The following ARAP3 variants were observed in gnomAD, a reference collection of about 807,000 sequenced individuals.
ARAP3 encodes arf-GAP with Rho-GAP domain, ANK repeat and PH domain-containing protein 3.
In ARAP3, 82 loss-of-function variants were observed where a neutral mutation model predicts 169.2. That is an observed-to-expected ratio of 0.48 (90% confidence interval 0.41 to 0.58). The LOEUF (loss-of-function observed/expected upper bound fraction) is 0.58. Ranked by LOEUF, ARAP3 falls within the 20% of genes least tolerant of loss-of-function variation. The pLI is 0.00. For synonymous variants in ARAP3, 791 were observed against 800.3 expected (o/e 0.99, Z 0.20); for missense variants, 1,764 against 2,018.0 (o/e 0.87, Z 2.41).
intron 16 of ARAP3, among the ~76,000 whole-genome samples, chr5:141,669,148 A>C (rs2154599009): frequency 6.6e-6 from 1 of 152,304 alleles, no homozygotes; most frequent in South Asian, 2.1e-4. Context: ...ACAGATGTGG[A>C]AAAGCTCACA....
In ARAP3 at chr5:141,656,110, AAGAACAG is replaced by A. The variant is rs1272556310; in HGVS notation, c.3873-18_3873-12del. The A allele has an allele frequency of 6.2e-7, 1 of 1,614,144 alleles. No individual in the cohort carries two copies. The highest frequency in any genetic ancestry group is 1.1e-5 in the South Asian group (1 of 91,076). On this transcript the variant is annotated splice_polypyrimidine_tract_variant and intron_variant, in intron 28 of 32. Coordinates refer to ENST00000239440, the MANE Select transcript of ARAP3 (RefSeq NM_022481.6). Reference sequence around the variant, plus strand: ...AATGTGAAGCCCCACCTGGGAGACAAAGAACAGTGATGGGGCAGTCAGAAAGGGCAGG... The same window carrying A: ...AATGTGAAGCCCCACCTGGGAGACAATGATGGGGCAGTCAGAAAGGGCAGG...
At position 141,680,171 on chromosome 5, in the gene ARAP3, T is replaced by C. The variant is rs768955548; in HGVS notation, c.316A>G (p.Ser106Gly). 5 of 1,607,318 alleles carry C rather than the reference T, an allele frequency of 3.1e-6. No homozygotes were observed. The African/African-American group carries it at 5.4e-5, about 17-fold the overall frequency. The change falls in exon 2 of 33, where the codon AGT (serine) becomes GGT (glycine). Residue 106 changes from serine (S) to glycine (G), a missense_variant. Physicochemically the swap from Ser to Gly is moderately conservative, Grantham distance 56 (BLOSUM62 0). Around this residue, in one of 3 missense-constraint regions of ARAP3, gnomAD observed 630 missense variants for 678.7 expected, o/e 0.93. Transcript: ENST00000239440. ...PKPRTVFGGL[S>G]GPATTQRPGL... The stretch of plus-strand genomic sequence containing the variant: ...GGTCTCTGAGTGGTGGCAGGGCCAC[T>C]GAGTCCACCAAACACGGTCCTGGGC...
Position 141,672,732 on chromosome 5 carries a change from TCTC to T in ARAP3, c.1278+6_1278+8del. ...TCAGGCCCCTCAGCCCTGGCCCGGC[TCTC>T]CTCACCTGCTCACTCTTGTACAGTG... On this transcript the variant is annotated splice_donor_region_variant and intron_variant, in intron 8 of 32. Transcript: ENST00000239440. This position sits in a 1 kb window ranked among gnomAD's most constrained non-coding sequence, Gnocchi z 4.9. 1 of 1,614,014 alleles carries T rather than the reference TCTC, an allele frequency of 6.2e-7. No homozygotes were observed. Among genetic ancestry groups the T allele is most frequent in the Non-Finnish European group, 8.5e-7 (1 of 1,179,984 alleles).
chr5:141,657,722 A>G (rs1383506409), intron 25 of ARAP3, among the ~76,000 whole-genome samples: 2 of 152,212 alleles, frequency 1.3e-5, no homozygotes, highest in Non-Finnish European at 2.9e-5. Context: ...TATGAAGATG[A>G]CACAAAGGGA....
chr5:141,664,782 G>A, intron 19 of ARAP3, 140 bp downstream of exon 19: 1 of 1,058,196 alleles, frequency 9.5e-7, no homozygotes, highest in East Asian at 2.7e-5. Flanking sequence ...ATGACCAGCT[G>A]GGGTCCAGCT....
At chr5:141,673,246 T>C in intron 6 of ARAP3, 113 bp from the exon 7 acceptor site, 2 of 1,569,152 alleles carry the variant, frequency 1.3e-6, no homozygotes, top group Non-Finnish European at 1.7e-6. Context: ...AAGCAGTGGG[T>C]ACAGCTGCTA....
At position 141,680,075 on chromosome 5, in the gene ARAP3, G is replaced by A. The variant is rs948049982; in HGVS notation, c.412C>T (p.Leu138Phe). The A allele has an allele frequency of 6.2e-7, 1 of 1,613,966 alleles. No homozygotes were observed. The highest frequency in any genetic ancestry group is 1.3e-5 in the African/African-American group (1 of 74,914). Reference sequence around the variant, plus strand: ...GACTGCTCAGAGGAGGAAGTGGGGAGAGGAGGAGGCCTTGGGCTGGGCTCT... The same window carrying A: ...GACTGCTCAGAGGAGGAAGTGGGGAAAGGAGGAGGCCTTGGGCTGGGCTCT... Reference protein sequence around the residue: ...SPEPSPRPPPLPTSSSEQSSA... With the variant: ...SPEPSPRPPPFPTSSSEQSSA... Residue 138 changes from leucine to phenylalanine, a missense_variant, in exon 2 of 33, where the codon CTC (leucine) becomes TTC (phenylalanine). Around this residue, in one of 3 missense-constraint regions of ARAP3, gnomAD observed 630 missense variants for 678.7 expected, o/e 0.93. Coordinates refer to ENST00000239440, the MANE Select transcript of ARAP3 (RefSeq NM_022481.6).
In ARAP3 at chr5:141,672,485, G is replaced by C; in HGVS notation, c.1385+67C>G. ...TGACGTCCTACTAAAGAGGCCTCTA[G>C]TCCTCTGCACCCTTGTGCCTCCCGC... On this transcript the variant is annotated intron_variant, in intron 9 of 32. Transcript: ENST00000239440. This position sits in a 1 kb window ranked among gnomAD's most constrained non-coding sequence, Gnocchi z 4.9. The C allele has an allele frequency of 6.4e-7, 1 of 1,570,280 alleles. No homozygotes were observed. Among genetic ancestry groups the C allele is most frequent in the Non-Finnish European group, 8.7e-7 (1 of 1,151,664 alleles).
rs1251258206 is a variant in ARAP3, at chr5:141,680,407, C to G, written c.80G>C (p.Arg27Pro). The G allele has an allele frequency of 6.2e-7, 1 of 1,613,756 alleles. No homozygotes were observed. Among genetic ancestry groups the G allele is most frequent in the Non-Finnish European group, 8.5e-7 (1 of 1,180,032 alleles). ...HLEQYADTFR[R>P]HGLATAGAAR... ...TGCACCTGCTGTAGCCAGGCCATGCCGTCGGAACGTGTCTGCATACTGCTC... is the reference window on the plus strand; with the variant it reads ...TGCACCTGCTGTAGCCAGGCCATGCGGTCGGAACGTGTCTGCATACTGCTC... Residue 27 changes from arginine (R) to proline (P), a missense_variant, in exon 2 of 33, where the codon CGG (arginine) becomes CCG (proline). Physicochemically the swap from Arg to Pro is moderately radical, Grantham distance 103. This residue lies in a region of ARAP3 where 630 missense variants were observed against 678.7 expected (regional missense o/e 0.93). Coordinates refer to ENST00000239440, the MANE Select transcript of ARAP3 (RefSeq NM_022481.6).
Position 141,680,707 on chromosome 5 carries a change from G to A in ARAP3, c.-17-204C>T. The A allele has an allele frequency of 6.0e-6, 5 of 835,282 alleles. No homozygotes were observed. The South Asian group carries it at 8.3e-5, about 14-fold the overall frequency. 51.7% of individuals were successfully genotyped at this position (835,282 alleles called of 1,614,324 possible). ...GGAAGGGACTTCATTTGAAGTTAAG[G>A]AAACTGAGGCCCAGAGAGGGGAAGG... On this transcript the variant is annotated intron_variant, in intron 1 of 32. Coordinates refer to ENST00000239440, the MANE Select transcript of ARAP3 (RefSeq NM_022481.6).
intron 1 of ARAP3, chr5:141,680,716 G>A: frequency 1.3e-6 from 1 of 774,874 alleles, no homozygotes; most frequent in African/African-American, 1.8e-5. Flanking sequence ...GGAAACTGAG[G>A]CCCAGAGAGG....
At chr5:141,661,992 G>A in intron 20 of ARAP3, 51 bp downstream of exon 20, 1 of 1,604,446 alleles carries the variant, frequency 6.2e-7, no homozygotes, top group South Asian at 1.1e-5. Context: ...TTCTGGTGGG[G>A]GAAGGCAGAG....
chr5:141,673,930 ATTTTC>A, intron 4 of ARAP3, 122 bp from the exon 5 acceptor site: 2 of 508,052 alleles, frequency 3.9e-6, no homozygotes, highest in Non-Finnish European at 6.2e-6. Flanking sequence ...ACTGGATCTG[ATTTTC>A]TTTTCTTTTT....
rs762968520 is a variant in ARAP3 at position 141,659,872 on chromosome 5, C to G, written c.3174G>C (p.Leu1058=). 1.3e-6 allele frequency: 2 copies of G among 1,597,206 alleles called. No homozygotes were observed. Among genetic ancestry groups the G allele is most frequent in the Non-Finnish European group, 1.7e-6 (2 of 1,172,520 alleles). ...NQMCTRNLAL[L]FAPSVFQTDG... is the part of the protein sequence containing the mutation. ...CCGTCTGGAACACGCTGGGTGCAAA[C>G]AGCAGAGCCAAGTTCCGCGTGCACA... The change falls in exon 22 of 33, where the codon CTG becomes CTC. Residue 1058 remains leucine, a synonymous_variant. Transcript: ENST00000239440.
chr5:141,676,640 T>A (rs563341782), intron 4 of ARAP3, among the ~76,000 whole-genome samples: 2 of 152,298 alleles, frequency 1.3e-5, no homozygotes, highest in Non-Finnish European at 2.9e-5. Context: ...TACATTTTCC[T>A]CACTTTGCTC....
chr5:141,665,428 T>C, intron 17 of ARAP3, 54 bp from the exon 18 acceptor site: 4 of 1,573,438 alleles, frequency 2.5e-6, no homozygotes, highest in Non-Finnish European at 3.5e-6. Flanking sequence ...TTATAGAGAC[T>C]ATTATTTATT....
At chr5:141,670,475 T>C (rs1039554147) in intron 14 of ARAP3, 37 bp downstream of exon 14, 3 of 1,588,554 alleles carry the variant, frequency 1.9e-6, no homozygotes, top group Admixed American at 1.7e-5. Context: ...ATCCACTTTC[T>C]GTCCCTGTAT....
At chr5:141,673,206 C>A in intron 6 of ARAP3, 73 bp from the exon 7 acceptor site, 1 of 1,603,328 alleles carries the variant, frequency 6.2e-7, no homozygotes, top group East Asian at 2.2e-5. Context: ...GGTCCTGCCC[C>A]AGATTTTATA....
Position 141,653,814 on chromosome 5 carries a change from T to G in ARAP3, c.*136A>C. The G allele has an allele frequency of 7.8e-7, 1 of 1,278,584 alleles. No individual in the cohort carries two copies. Among genetic ancestry groups the G allele is most frequent in the Non-Finnish European group, 1.1e-6 (1 of 945,866 alleles). 79.2% of individuals were successfully genotyped at this position (1,278,584 alleles called of 1,614,324 possible). ...TGGGACACGCAGCCACTGAAGCCTT[T>G]AGTCCAGTGCTCCTTCCACAGCACC... is the stretch of plus-strand genomic sequence containing the variant. On this transcript the variant is annotated 3_prime_UTR_variant, in exon 33 of 33. Transcript: ENST00000239440.
Sources: gnomAD v4.1 joint callset for allele counts (sites outside exome capture counted in the v4.1 genomes callset) on GRCh38, gnomAD v4.1.1 for gene constraint, gnomAD v4.1.1 regional missense constraint, Gnocchi (gnomAD v3.1) non-coding constraint, MANE v1.5 for transcripts, NCBI Gene and HGNC (gene_info 2026-07-23, HGNC 2026-07-21) for gene names.